SGIP1: variants seen among roughly 807,000 people sequenced by gnomAD.
SGIP1 encodes the protein SH3-containing GRB2-like protein 3-interacting protein 1.
Under a neutral mutation model 107.5 loss-of-function variants are expected in SGIP1, and 38 were observed. The ratio of observed to expected loss-of-function variants is 0.35; its 90% CI spans 0.27 to 0.46. The LOEUF is 0.46. Among genes scored for constraint, SGIP1 ranks in the 20% least tolerant of loss-of-function variants. The pLI, the probability that SGIP1 is intolerant of heterozygous loss-of-function variation, is 1.00. For synonymous variants in SGIP1, 365 were observed against 366.1 expected, an observed-to-expected ratio of 1.00 and a Z score of 0.03; for missense variants, 929 against 1,019.5, an observed-to-expected ratio of 0.91 and a Z score of 1.21.
chr1:66,625,610 T>C (rs2072472292), intron 1 of SGIP1, among the ~76,000 whole-genome samples: 1 of 152,254 alleles, frequency 6.6e-6, no homozygotes, highest in Non-Finnish European at 1.5e-5. Flanking sequence ...TGTATCCATA[T>C]ATCCTTATGT....
intron 1 of SGIP1, among the ~76,000 whole-genome samples, chr1:66,583,036 A>G (rs2062033884): frequency 1.3e-5 from 2 of 152,050 alleles, no homozygotes; most frequent in Non-Finnish European, 2.9e-5. Context: ...TATATATCAA[A>G]TCTCTGATGT....
intron 7 of SGIP1, 189 bp downstream of exon 7, chr1:66,643,908 T>A: frequency 4.9e-6 from 2 of 407,750 alleles, no homozygotes; most frequent in South Asian, 1.1e-4. Context: ...ATTGCAGTCC[T>A]TGTGCTTTTC....
At chr1:66,645,689 G>C (rs1422789520) in intron 7 of SGIP1, among the ~76,000 whole-genome samples, 2 of 152,164 alleles carry the variant, frequency 1.3e-5, no homozygotes, top group Non-Finnish European at 2.9e-5. Context: ...GGAAGAGTGA[G>C]CTGTTACTAC....
chr1:66,675,541 C>CTTTTTTTTTTTTTTTTTTTT lies in SGIP1; in HGVS notation c.647-1445_647-1444insTTTTTTTTTTTTTTTTTTTT, dbSNP rs71242802. Among the ~76,000 whole-genome samples, 4 of 112,390 alleles carry CTTTTTTTTTTTTTTTTTTTT rather than the reference C, an allele frequency of 3.6e-5. 1 individual carries two copies. The highest frequency in any genetic ancestry group is 1.7e-5 in the Non-Finnish European group (1 of 59,814). 73.7% of individuals were successfully genotyped at this position (112,390 alleles called of 152,430 possible). On this transcript the variant is annotated intron_variant, in intron 12 of 24. Coordinates refer to ENST00000371037, the MANE Select transcript of SGIP1 (RefSeq NM_032291.4). The stretch of plus-strand genomic sequence containing the variant: ...GTTGTTTTTCTTTTTCTTTTTCTTT[C>CTTTTTTTTTTTTTTTTTTTT]TTTTTTTTTTTTTTTTTTGACAGAA...
intron 3 of SGIP1, among the ~76,000 whole-genome samples, chr1:66,634,751 T>C (rs917708395): frequency 6.6e-6 from 1 of 152,244 alleles, no homozygotes; most frequent in African/African-American, 2.4e-5. Context: ...TCAAAATAAA[T>C]GCACTTCCTC....
chr1:66,568,717 G>T (rs1332384706), intron 1 of SGIP1, among the ~76,000 whole-genome samples: 1 of 151,830 alleles, frequency 6.6e-6, no homozygotes, highest in Admixed American at 6.6e-5. Context: ...TTCAACATAC[G>T]CAAATCAATA....
chr1:66,740,786 A>G (rs1483260159), intron 23 of SGIP1, 64 bp downstream of exon 23: 2 of 1,039,468 alleles, frequency 1.9e-6, no homozygotes, highest in Non-Finnish European at 2.9e-6. Flanking sequence ...GGTATTTGCC[A>G]ACTATTACCC....
chr1:66,664,146 G>A (rs2082069978), intron 8 of SGIP1, among the ~76,000 whole-genome samples: 1 of 152,044 alleles, frequency 6.6e-6, no homozygotes. Context: ...GAATAATAAA[G>A]TCTAAATTTT....
intron 18 of SGIP1, among the ~76,000 whole-genome samples, chr1:66,716,638 T>A (rs920044365): frequency 2.6e-5 from 4 of 152,094 alleles, no homozygotes; most frequent in Non-Finnish European, 5.9e-5. Flanking sequence ...CCATCTTCCG[T>A]TCAGGGTGTT....
At chr1:66,595,421 A>G (rs2064449430) in intron 1 of SGIP1, among the ~76,000 whole-genome samples, 1 of 152,210 alleles carries the variant, frequency 6.6e-6, no homozygotes, top group Non-Finnish European at 1.5e-5. Context: ...ATAGGCCACA[A>G]AGAAGTCATC....
At position 66,745,977 on chromosome 1, in the gene SGIP1, A is replaced by G. The variant is rs187452786; in HGVS notation, c.*2882A>G. On this transcript the variant is annotated 3_prime_UTR_variant, in exon 25 of 25. Transcript: ENST00000371037. Reference sequence around the variant, plus strand: ...CACAGCCAAAATGGAAATTCACTGTATGGTATTTGGGAATATATTTCACCT... The same window carrying G: ...CACAGCCAAAATGGAAATTCACTGTGTGGTATTTGGGAATATATTTCACCT... The G allele has an allele frequency of 9.9e-5, 15 of 152,254 alleles. No homozygotes were observed. The highest frequency in any genetic ancestry group is 3.6e-4 in the African/African-American group (15 of 41,568). The allele number at this position is 152,254 out of a possible 1,614,324, so 9.4% of individuals were successfully genotyped here. A position where few individuals can be genotyped will look rare whatever the true frequency, so the allele number is the denominator to read the frequency against.
At chr1:66,594,723 G>A (rs553930629) in intron 1 of SGIP1, among the ~76,000 whole-genome samples, 3 of 152,242 alleles carry the variant, frequency 2.0e-5, no homozygotes, top group Admixed American at 1.3e-4. Context: ...CAGTGGAGAC[G>A]CACACTGAGG....
At chr1:66,726,695 A>T (rs1228451154) in intron 19 of SGIP1, among the ~76,000 whole-genome samples, 1 of 152,236 alleles carries the variant, frequency 6.6e-6, no homozygotes, top group African/African-American at 2.4e-5. Context: ...ATCCACACAC[A>T]CACAAAATGA....
At chr1:66,603,997 A>G (rs1007142373) in intron 1 of SGIP1, among the ~76,000 whole-genome samples, 2 of 152,174 alleles carry the variant, frequency 1.3e-5, no homozygotes, top group African/African-American at 4.8e-5. Context: ...TTTATTCCAT[A>G]ATTGATCAGA....
At chr1:66,545,390 A>G (rs2056142181) in intron 1 of SGIP1, among the ~76,000 whole-genome samples, 1 of 152,180 alleles carries the variant, frequency 6.6e-6, no homozygotes, top group Non-Finnish European at 1.5e-5. Context: ...CCTTCAGTGA[A>G]GCCTTCACAT....
chr1:66,637,191 C>A (rs1350429593), intron 4 of SGIP1, among the ~76,000 whole-genome samples: 1 of 152,062 alleles, frequency 6.6e-6, no homozygotes, highest in Non-Finnish European at 1.5e-5. Flanking sequence ...GATATTCTTC[C>A]TTGCTTCTTC....
chr1:66,673,344 T>C lies in SGIP1; in HGVS notation c.624T>C (p.Ala208=). The C allele has an allele frequency of 6.2e-7, 1 of 1,611,798 alleles. No homozygotes were observed. Among genetic ancestry groups the C allele is most frequent in the Non-Finnish European group, 8.5e-7 (1 of 1,179,504 alleles). The change falls in exon 12 of 25, where the codon GCT becomes GCC. Residue 208 remains alanine (A), a synonymous_variant. Coordinates refer to ENST00000371037, the MANE Select transcript of SGIP1 (RefSeq NM_032291.4). ...TCTTTGGCCCACCACTAGAATCAGCTTTTGATGAACAGAAGACAGAAGGTA... is the reference window on the plus strand; with the variant it reads ...TCTTTGGCCCACCACTAGAATCAGCCTTTGATGAACAGAAGACAGAAGGTA... ...APLFGPPLES[A]FDEQKTEVLL...
intron 1 of SGIP1, among the ~76,000 whole-genome samples, chr1:66,618,036 A>C (rs1459052363): frequency 1.3e-5 from 2 of 148,478 alleles, no homozygotes; most frequent in Non-Finnish European, 3.0e-5. Context: ...GAATCAATAT[A>C]ATAGCTCCCA....
chr1:66,676,925 C>A, intron 12 of SGIP1, 79 bp from the exon 13 acceptor site: 1 of 1,183,730 alleles, frequency 8.4e-7, no homozygotes, highest in South Asian at 1.4e-5. Context: ...TAAAGCTCAA[C>A]TTGAAATCGA....
Sources: allele counts gnomAD v4.1 joint callset (sites outside exome capture counted in the v4.1 genomes callset), GRCh38; gene constraint gnomAD v4.1.1; transcripts MANE v1.5; gene names NCBI Gene and HGNC (gene_info 2026-07-23, HGNC 2026-07-21).